EML1: variants seen among roughly 807,000 people sequenced by gnomAD.
The protein encoded by EML1 is EMAP like 1.
Under a neutral mutation model 110.4 loss-of-function variants are expected in EML1, and 27 were observed. The ratio of observed to expected loss-of-function variants is 0.24; its 90% CI spans 0.18 to 0.34. EML1 has a LOEUF of 0.34. EML1 is among the 10% of genes least tolerant of loss of function. EML1 has a pLI of 1.00. For missense variants in EML1, 741 were observed against 1,030.9 expected (o/e 0.72, Z 3.85); for synonymous variants, 344 against 385.8 (o/e 0.89, Z 1.27).
chr14:99,911,908 T>C (rs2059952991), intron 13 of EML1, among the ~76,000 whole-genome samples: 1 of 106,286 alleles, frequency 9.4e-6, no homozygotes, highest in South Asian at 2.7e-4. Context: ...TTCTTTCTTT[T>C]TTTTTTTAGA....
intron 11 of EML1, among the ~76,000 whole-genome samples, chr14:99,909,704 C>G (rs563199080): frequency 6.6e-6 from 1 of 152,206 alleles, no homozygotes; most frequent in Non-Finnish European, 1.5e-5. Flanking sequence ...AGCACCAAGC[C>G]TCCCACAGTG....
intron 1 of EML1, among the ~76,000 whole-genome samples, chr14:99,774,322 C>T (rs552091848): frequency 6.6e-6 from 1 of 152,148 alleles, no homozygotes; most frequent in Non-Finnish European, 1.5e-5. Flanking sequence ...CCCGCATCCA[C>T]GCTCCTCACC....
At chr14:99,794,825 G>A (rs2057740717) in intron 1 of EML1, among the ~76,000 whole-genome samples, 1 of 152,174 alleles carries the variant, frequency 6.6e-6, no homozygotes, top group Non-Finnish European at 1.5e-5. Flanking sequence ...GTTGAGGGCA[G>A]GTAGAATGTA....
At chr14:99,759,926 A>G (rs879292214) in intron 1 of EML1, among the ~76,000 whole-genome samples, 1 of 151,866 alleles carries the variant, frequency 6.6e-6, no homozygotes, top group Non-Finnish European at 1.5e-5. Flanking sequence ...GACCAACATG[A>G]TGAAACCCCG....
At chr14:99,847,004 T>C (rs1488049284) in intron 1 of EML1, among the ~76,000 whole-genome samples, 1 of 152,216 alleles carries the variant, frequency 6.6e-6, no homozygotes, top group African/African-American at 2.4e-5. Flanking sequence ...CTATTAGTTT[T>C]CCTCAAAGCC....
intron 1 of EML1, among the ~76,000 whole-genome samples, chr14:99,831,607 A>G (rs1444867771): frequency 6.6e-6 from 1 of 152,192 alleles, no homozygotes; most frequent in Non-Finnish European, 1.5e-5. Flanking sequence ...CTGGAATACA[A>G]CTATTTTCTC....
chr14:99,760,444 G>C (rs1284584821), intron 1 of EML1, among the ~76,000 whole-genome samples: 1 of 152,202 alleles, frequency 6.6e-6, no homozygotes, highest in Non-Finnish European at 1.5e-5. Flanking sequence ...AACATGGAGT[G>C]AAATGTACTG....
chr14:99,909,140 G>A (rs2059905422), intron 10 of EML1, among the ~76,000 whole-genome samples: 1 of 152,198 alleles, frequency 6.6e-6, no homozygotes, highest in Admixed American at 6.5e-5. Flanking sequence ...GTCCAGTGGG[G>A]GAGACAGACA....
intron 1 of EML1, among the ~76,000 whole-genome samples, chr14:99,823,446 C>T (rs907091458): frequency 1.3e-5 from 2 of 151,948 alleles, no homozygotes; most frequent in Non-Finnish European, 1.5e-5. Context: ...CGGGTCTGGA[C>T]GTCCTCTCTG....
rs182781039 is a variant in EML1, at chr14:99,892,178, G to A, written c.547+951G>A. 33 of 985,362 alleles carry A rather than the reference G, an allele frequency of 3.3e-5. No homozygotes were observed. In the East Asian group the frequency reaches 7.9e-4, roughly 24 times the overall value. The allele number at this position is 985,362 out of a possible 1,614,324, so 61.0% of individuals were successfully genotyped here. A position where few individuals can be genotyped will look rare whatever the true frequency, so the allele number is the denominator to read the frequency against. ...TCTCCGAAATCACAAGGGAAACGCC[G>A]GGTGACACACTGCAAAGGTAGGCAG... On this transcript the variant is annotated intron_variant, in intron 5 of 21. Transcript: ENST00000262233.
At chr14:99,913,430 G>GC (rs1004044309) in intron 13 of EML1, among the ~76,000 whole-genome samples, 2 of 152,138 alleles carry the variant, frequency 1.3e-5, no homozygotes, top group South Asian at 2.1e-4. Flanking sequence ...ACCTACCTCG[G>GC]CCCCCCAAAG....
At chr14:99,748,915 C>T (rs1309245590) in intron 1 of EML1, among the ~76,000 whole-genome samples, 2 of 152,204 alleles carry the variant, frequency 1.3e-5, no homozygotes, top group African/African-American at 2.4e-5. Context: ...TCCTGTAACA[C>T]GTGGCCTTTT....
chr14:99,796,186 C>CAGAGAGAGCGAGAG (rs2057767999), intron 1 of EML1, among the ~76,000 whole-genome samples: 3 of 119,208 alleles, frequency 2.5e-5, no homozygotes, highest in African/African-American at 9.3e-5. Context: ...GACCCTGTCT[C>CAGAGAGAGCGAGAG]AGAGAGAGAG....
intron 1 of EML1, among the ~76,000 whole-genome samples, chr14:99,826,562 C>A (rs940390953): frequency 2.0e-5 from 3 of 152,240 alleles, no homozygotes; most frequent in Non-Finnish European, 4.4e-5. Context: ...TTAAGCAGCA[C>A]GCCACAGCCT....
At chr14:99,741,139 A>G (rs984174102) in intron 1 of EML1, among the ~76,000 whole-genome samples, 5 of 152,138 alleles carry the variant, frequency 3.3e-5, no homozygotes, top group African/African-American at 1.2e-4. Context: ...TGAGTCACTT[A>G]ACTTCTGTGA....
chr14:99,793,923 G>C (rs980212045), intron 1 of EML1, among the ~76,000 whole-genome samples: 4 of 152,006 alleles, frequency 2.6e-5, no homozygotes, highest in Non-Finnish European at 4.4e-5. Context: ...ACCCACATCT[G>C]TTTGGAAATG....
chr14:99,780,943 T>A (rs570835308), intron 1 of EML1, among the ~76,000 whole-genome samples: 19 of 152,252 alleles, frequency 1.2e-4, no homozygotes, highest in African/African-American at 4.3e-4. Flanking sequence ...TTAGAACGTA[T>A]CCCATCGTTA....
chr14:99,849,533 A>G (rs12587959), intron 1 of EML1, among the ~76,000 whole-genome samples: 51,832 of 148,200 alleles, frequency 0.35, 9,432 homozygotes, highest in South Asian at 0.49. Context: ...GTGTGTGTAT[A>G]TATATTTATT....
At chr14:99,746,915 G>T (rs868288037) in intron 1 of EML1, among the ~76,000 whole-genome samples, 2 of 152,116 alleles carry the variant, frequency 1.3e-5, no homozygotes, top group East Asian at 3.9e-4. Context: ...AGCATCTGCC[G>T]CGCCCTGCCC....
Sources: allele counts gnomAD v4.1 joint callset (sites outside exome capture counted in the v4.1 genomes callset), GRCh38; gene constraint gnomAD v4.1.1; transcripts MANE v1.5; gene names NCBI Gene and HGNC (gene_info 2026-07-23, HGNC 2026-07-21).